The following ADAMTS12 variants were observed in gnomAD, a reference collection of about 807,000 sequenced individuals.
The protein encoded by ADAMTS12 is ADAM metallopeptidase with thrombospondin type 1 motif 12.
In ADAMTS12, 118 loss-of-function variants were observed where a neutral mutation model predicts 167.8. The ratio of observed to expected loss-of-function variants is 0.70; its 90% CI spans 0.61 to 0.82. The LOEUF is 0.82. Ranked by LOEUF, ADAMTS12 falls within the 40% of genes least tolerant of loss-of-function variation. ADAMTS12 has a pLI of 0.00. For synonymous variants in ADAMTS12, 704 were observed against 716.9 expected, an observed-to-expected ratio of 0.98 and a Z score of 0.29; for missense variants, 1,916 against 1,998.8, an observed-to-expected ratio of 0.96 and a Z score of 0.79.
intron 2 of ADAMTS12, among the ~76,000 whole-genome samples, chr5:33,791,819 A>G (rs1746582296): frequency 6.9e-6 from 1 of 144,510 alleles, no homozygotes; most frequent in South Asian, 2.2e-4. Flanking sequence ...CTGTCATTTG[A>G]TATAAAGGAA....
At chr5:33,708,380 C>T (rs1276236414) in intron 3 of ADAMTS12, among the ~76,000 whole-genome samples, 1 of 152,166 alleles carries the variant, frequency 6.6e-6, no homozygotes. Context: ...TTGTGGAAGA[C>T]AGTGTGGAGA....
chr5:33,645,119 T>C (rs1579793546), intron 9 of ADAMTS12, among the ~76,000 whole-genome samples: 1 of 151,640 alleles, frequency 6.6e-6, no homozygotes, highest in East Asian at 1.9e-4. Context: ...CAGGCATCCA[T>C]GGTATCTCCA....
rs558971957 is a variant in ADAMTS12 at position 33,728,494 on chromosome 5, GCCCTCACCAT to G, written c.634+22900_634+22909del. Among the ~76,000 whole-genome samples the G allele has an allele frequency of 9.8e-5, 15 of 152,294 alleles. No homozygotes were observed. In the East Asian group the frequency reaches 2.5e-3, roughly 26 times the overall value. On this transcript the variant is annotated intron_variant, in intron 3 of 23. Coordinates refer to ENST00000504830, the MANE Select transcript of ADAMTS12 (RefSeq NM_030955.4). ...GACTCGCAAAGCCCTGTTCCTGGTG[GCCCTCACCAT>G]CCTCTCAGTGTGGCCTCTAGTCATG...
At chr5:33,759,871 T>C (rs1213886027) in intron 2 of ADAMTS12, among the ~76,000 whole-genome samples, 1 of 152,140 alleles carries the variant, frequency 6.6e-6, no homozygotes, top group African/African-American at 2.4e-5. Context: ...AGACAGCCAT[T>C]CAGTCCAATA....
At chr5:33,693,813 G>A (rs1432530079) in intron 3 of ADAMTS12, among the ~76,000 whole-genome samples, 2 of 152,106 alleles carry the variant, frequency 1.3e-5, no homozygotes, top group Non-Finnish European at 1.5e-5. Context: ...GGGAGTCTTA[G>A]CCAAAGCAAT....
intron 2 of ADAMTS12, among the ~76,000 whole-genome samples, chr5:33,853,030 G>A (rs547571740): frequency 8.5e-5 from 13 of 152,198 alleles, no homozygotes; most frequent in Non-Finnish European, 1.5e-4. Context: ...TACCCCTGCC[G>A]TCCCCAGGGT....
intron 3 of ADAMTS12, among the ~76,000 whole-genome samples, chr5:33,725,107 C>T (rs1743934956): frequency 6.6e-6 from 1 of 152,168 alleles, no homozygotes. Flanking sequence ...CTTAGCTCTG[C>T]TTGATGAACA....
At chr5:33,545,306 A>T (rs1219273412) in intron 22 of ADAMTS12, among the ~76,000 whole-genome samples, 2 of 152,234 alleles carry the variant, frequency 1.3e-5, no homozygotes, top group Non-Finnish European at 2.9e-5. Flanking sequence ...CAAAACCACA[A>T]TGAGATACCA....
chr5:33,852,747 T>C (rs1045616260), intron 2 of ADAMTS12, among the ~76,000 whole-genome samples: 10 of 152,156 alleles, frequency 6.6e-5, no homozygotes, highest in African/African-American at 2.4e-4. Context: ...TCCAGCAACA[T>C]ACACCATTGG....
intron 5 of ADAMTS12, among the ~76,000 whole-genome samples, chr5:33,672,992 T>G (rs1211390634): frequency 6.6e-6 from 1 of 152,234 alleles, no homozygotes; most frequent in Non-Finnish European, 1.5e-5. Flanking sequence ...TGAGGACTTC[T>G]CTAAACTCTG....
chr5:33,593,393 G>A (rs1158830743), intron 17 of ADAMTS12, among the ~76,000 whole-genome samples: 3 of 152,154 alleles, frequency 2.0e-5, no homozygotes, highest in African/African-American at 7.2e-5. Flanking sequence ...TTCAAATCCC[G>A]ACTCTACAAT....
intron 2 of ADAMTS12, among the ~76,000 whole-genome samples, chr5:33,844,389 A>G (rs1200445793): frequency 6.6e-6 from 1 of 152,202 alleles, no homozygotes; most frequent in East Asian, 1.9e-4. Context: ...TCAGCAAGGA[A>G]CATCCCTGAG....
chr5:33,735,548 A>G (rs936953939), intron 3 of ADAMTS12, among the ~76,000 whole-genome samples: 3 of 152,184 alleles, frequency 2.0e-5, no homozygotes, highest in African/African-American at 7.2e-5. Flanking sequence ...TACAAAACAG[A>G]TGGCACGCTG....
intron 2 of ADAMTS12, among the ~76,000 whole-genome samples, chr5:33,822,377 T>C (rs1374020): frequency 0.14 from 21,865 of 152,146 alleles, 2,036 homozygotes; most frequent in South Asian, 0.38. Context: ...AGGAAGACTT[T>C]AGTTCTGGCT....
At chr5:33,774,321 C>G (rs566758744) in intron 2 of ADAMTS12, among the ~76,000 whole-genome samples, 36 of 152,218 alleles carry the variant, frequency 2.4e-4, no homozygotes, top group Non-Finnish European at 4.0e-4. Flanking sequence ...GAAAGGATCT[C>G]TAGAGGAATT....
intron 18 of ADAMTS12, among the ~76,000 whole-genome samples, chr5:33,582,040 G>T (rs1457816910): frequency 6.6e-6 from 1 of 152,206 alleles, no homozygotes; most frequent in Non-Finnish European, 1.5e-5. Context: ...CCTTGGATTT[G>T]TAGCTTCTGC....
chr5:33,751,184 G>A (rs1744960718), intron 3 of ADAMTS12: 1 of 553,004 alleles, frequency 1.8e-6, no homozygotes, highest in African/African-American at 1.9e-5. Flanking sequence ...AGAATATGCA[G>A]AGACTCGAGT....
intron 16 of ADAMTS12, among the ~76,000 whole-genome samples, chr5:33,601,332 T>C (rs867277130): frequency 1.3e-5 from 2 of 152,166 alleles, no homozygotes; most frequent in African/African-American, 4.8e-5. Flanking sequence ...GATGTATGCA[T>C]CCTCATATGC....
Position 33,751,389 on chromosome 5 carries a change from T to C in ADAMTS12, c.634+15A>G, listed in dbSNP as rs368996753. On this transcript the variant is annotated intron_variant, in intron 3 of 23. Coordinates refer to ENST00000504830, the MANE Select transcript of ADAMTS12 (RefSeq NM_030955.4). ...ACAGATTCTTCAACCCAGGAGGACA[T>C]GTGAGTCACAATACCCTTTAATCCA... 3.7e-6 allele frequency: 6 copies of C among 1,614,002 alleles called. No homozygotes were observed. Among genetic ancestry groups the C allele is most frequent in the Admixed American group, 1.7e-5 (1 of 59,996 alleles).
Sources: allele counts gnomAD v4.1 joint callset (sites outside exome capture counted in the v4.1 genomes callset), GRCh38; gene constraint gnomAD v4.1.1; transcripts MANE v1.5; gene names NCBI Gene and HGNC (gene_info 2026-07-23, HGNC 2026-07-21).